EIF2A: variants seen among roughly 807,000 people sequenced by gnomAD.
EIF2A encodes 65 kDa eukaryotic translation initiation factor 2A.
A neutral mutation model predicts 75.2 loss-of-function variants in EIF2A; 62 were observed. The observed-to-expected ratio is 0.82, with a 90% CI of 0.67 to 1.02. The LOEUF (loss-of-function observed/expected upper bound fraction) is 1.02. Ranked by LOEUF, EIF2A falls within the 50% of genes least tolerant of loss-of-function variation. The pLI is 0.00. For missense variants in EIF2A, 611 were observed against 677.7 expected, an observed-to-expected ratio of 0.90 and a Z score of 1.09; for synonymous variants, 207 against 239.0, an observed-to-expected ratio of 0.87 and a Z score of 1.23.
At chr3:150,567,841 T>G in intron 7 of EIF2A, 61 bp from the exon 8 acceptor site, 1 of 1,577,066 alleles carries the variant, frequency 6.3e-7, no homozygotes, top group Non-Finnish European at 8.6e-7. Context: ...TGTAAAAACA[T>G]GTCCATCTCA....
At chr3:150,569,224 C>T (rs1259988090) in intron 9 of EIF2A, among the ~76,000 whole-genome samples, 1 of 151,994 alleles carries the variant, frequency 6.6e-6, no homozygotes, top group African/African-American at 2.4e-5. Context: ...GATGAAGTCA[C>T]ACTATAACAG....
At chr3:150,557,461 T>G in intron 2 of EIF2A, 1 of 180,364 alleles carries the variant, frequency 5.5e-6, no homozygotes, top group Non-Finnish European at 1.2e-5. Context: ...GGCTGGACAG[T>G]GGCGCAGGGG....
intron 3 of EIF2A, among the ~76,000 whole-genome samples, chr3:150,561,899 C>T (rs1213220335): frequency 1.3e-5 from 2 of 151,218 alleles, no homozygotes; most frequent in Non-Finnish European, 2.9e-5. Context: ...GCTGGGATTA[C>T]AGGTGCCCAC....
chr3:150,570,396 A>G (rs1724439620), intron 9 of EIF2A, among the ~76,000 whole-genome samples: 1 of 152,104 alleles, frequency 6.6e-6, no homozygotes, highest in South Asian at 2.1e-4. Flanking sequence ...AAATAGGCAT[A>G]GGATAGTAAA....
intron 11 of EIF2A, among the ~76,000 whole-genome samples, chr3:150,580,067 C>A (rs1376821884): frequency 3.3e-5 from 5 of 151,996 alleles, no homozygotes. Context: ...AAGTATTATG[C>A]TAGAGGCTCA....
intron 9 of EIF2A, among the ~76,000 whole-genome samples, chr3:150,568,772 C>T (rs1724336776): frequency 6.6e-6 from 1 of 152,112 alleles, no homozygotes; most frequent in East Asian, 1.9e-4. Context: ...AAAAAGTTAG[C>T]CAGGCATGGT....
intron 11 of EIF2A, among the ~76,000 whole-genome samples, chr3:150,579,799 A>G (rs1457431064): frequency 6.6e-6 from 1 of 152,004 alleles, no homozygotes; most frequent in Non-Finnish European, 1.5e-5. Context: ...GTGATACCCT[A>G]TTCTATGTTC....
chr3:150,572,402 G>A lies in EIF2A; in HGVS notation c.1256G>A (p.Gly419Glu). The stretch of plus-strand genomic sequence containing the variant: ...GTTTCTTGGCAGCCATTTTTGGATG[G>A]AATATTTCCAGCAAAAACAATAACT... ...WQVSWQPFLD[G>E]IFPAKTITYQ... Residue 419 changes from glycine to glutamate, a missense_variant, in exon 10 of 14, where the codon GGA becomes GAA. Gly to Glu is a moderately conservative substitution (Grantham distance 98). Coordinates refer to ENST00000460851, the MANE Select transcript of EIF2A (RefSeq NM_032025.5). The A allele has an allele frequency of 6.2e-7, 1 of 1,613,962 alleles. No individual in the cohort carries two copies. Among genetic ancestry groups the A allele is most frequent in the Non-Finnish European group, 8.5e-7 (1 of 1,179,886 alleles).
Position 150,583,090 on chromosome 3 carries a change from C to G in EIF2A, c.1627-110C>G, listed in dbSNP as rs1462298080. Reference sequence around the variant, plus strand: ...GCATTTTAACAGACCATTGTTGATACAAATCTAAGATAATTAATCTCCTTA... The same window carrying G: ...GCATTTTAACAGACCATTGTTGATAGAAATCTAAGATAATTAATCTCCTTA... On this transcript the variant is annotated intron_variant, in intron 12 of 13. Coordinates refer to ENST00000460851, the MANE Select transcript of EIF2A (RefSeq NM_032025.5). The G allele has an allele frequency of 1.1e-5, 10 of 909,822 alleles. No individual in the cohort carries two copies. The Admixed American group carries it at 3.2e-4, about 29-fold the overall frequency. 56.4% of individuals were successfully genotyped at this position (909,822 alleles called of 1,614,324 possible).
At chr3:150,559,271 A>T (rs983072977) in intron 3 of EIF2A, among the ~76,000 whole-genome samples, 3 of 152,242 alleles carry the variant, frequency 2.0e-5, no homozygotes, top group African/African-American at 7.2e-5. Context: ...ACTAAAGAGA[A>T]CATGTTGAAT....
chr3:150,581,738 C>G lies in EIF2A; in HGVS notation c.1618C>G (p.Leu540Val). 1 of 1,558,310 alleles carries G rather than the reference C, an allele frequency of 6.4e-7. No homozygotes were observed. The highest frequency in any genetic ancestry group is 8.7e-7 in the Non-Finnish European group (1 of 1,150,480). The change falls in exon 12 of 14, where the codon CTA becomes GTA. Residue 540 changes from leucine (L) to valine (V), a missense_variant. Leu to Val is a conservative substitution (Grantham distance 32, BLOSUM62 1). Transcript: ENST00000460851. ...DPEIDKKIKN[L>V]KKKLKAIEQL... is the part of the protein sequence containing the mutation. ...TGAGATAGACAAAAAAATCAAGAAC[C>G]TAAAGAAGGTGAGAGACTTAAAAAC...
At chr3:150,553,502 A>C (rs1192001878) in intron 2 of EIF2A, among the ~76,000 whole-genome samples, 3 of 151,894 alleles carry the variant, frequency 2.0e-5, no homozygotes, top group Non-Finnish European at 2.9e-5. Context: ...TCTGCCCCCC[A>C]GGTTCAAGCG....
chr3:150,560,945 G>A lies in EIF2A; in HGVS notation c.174-1597G>A, dbSNP rs187891208. On this transcript the variant is annotated intron_variant, in intron 3 of 13. Transcript: ENST00000460851. ...TTAAATGAGAAAATGTACATAAAGT[G>A]GTTAGGTACATAGAAAACATCCCAA... is the stretch of plus-strand genomic sequence containing the variant. Among the ~76,000 whole-genome samples, 53 of 152,002 alleles carry A rather than the reference G, an allele frequency of 3.5e-4. 1 individual carries two copies. The East Asian group carries it at 8.1e-3, about 23-fold the overall frequency.
Position 150,552,407 on chromosome 3 carries a change from A to G in EIF2A, c.80A>G (p.Glu27Gly). The change falls in exon 2 of 14, where the codon GAA becomes GGA. Residue 27 changes from glutamate to glycine, a missense_variant. Coordinates refer to ENST00000460851, the MANE Select transcript of EIF2A (RefSeq NM_032025.5). The stretch of plus-strand genomic sequence containing the variant: ...GTGAATGGACCACCACATTTTACAG[A>G]AAGCACAGTGTTTCCAAGGTATGAT... ...YMVNGPPHFT[E>G]STVFPRESGK... 2 of 1,553,490 alleles carry G rather than the reference A, an allele frequency of 1.3e-6. No individual in the cohort carries two copies. Among genetic ancestry groups the G allele is most frequent in the Non-Finnish European group, 1.7e-6 (2 of 1,147,586 alleles).
At position 150,557,685 on chromosome 3, in the gene EIF2A, C is replaced by T. The variant is rs149814258; in HGVS notation, c.99-703C>T. 2.3e-3 allele frequency: 904 copies of T among 390,668 alleles called. 2 individuals carry two copies. Among genetic ancestry groups the T allele is most frequent in the Non-Finnish European group, 3.3e-3 (649 of 197,036 alleles). The allele number at this position is 390,668 out of a possible 1,614,324, so 24.2% of individuals were successfully genotyped here. On this transcript the variant is annotated intron_variant, in intron 2 of 13. Transcript: ENST00000460851. ...AACTGCTGGGATTACAGGTGTGAGC[C>T]ATTGCACCATGAGAAAGAGATTTTA...
chr3:150,568,204 A>G lies in EIF2A; in HGVS notation c.723A>G (p.Thr241=). Residue 241 remains threonine (T), a synonymous_variant, in exon 9 of 14, where the codon ACA becomes ACG. Coordinates refer to ENST00000460851, the MANE Select transcript of EIF2A (RefSeq NM_032025.5). ...CTGCTGTGTTGGTAATAGCTAGCAC[A>G]GATGTTGACAAGACAGGAGCTTCCT... The part of the protein sequence containing the change: ...KATAVLVIAS[T]DVDKTGASYY... 1 of 1,613,458 alleles carries G rather than the reference A, an allele frequency of 6.2e-7. No homozygotes were observed. The highest frequency in any genetic ancestry group is 8.5e-7 in the Non-Finnish European group (1 of 1,179,710).
At chr3:150,547,897 A>AT (rs576772255) in intron 1 of EIF2A, among the ~76,000 whole-genome samples, 5 of 151,616 alleles carry the variant, frequency 3.3e-5, no homozygotes, top group Non-Finnish European at 5.9e-5. Context: ...TACATAATAA[A>AT]TTTTTTTTTA....
At chr3:150,565,288 A>G (rs117989928) in intron 6 of EIF2A, 2 of 451,350 alleles carry the variant, frequency 4.4e-6, no homozygotes, top group East Asian at 1.4e-4. Flanking sequence ...GAAGCACATA[A>G]TGTCTGGTTG....
chr3:150,574,751 C>T (rs1404031009), intron 10 of EIF2A, among the ~76,000 whole-genome samples: 1 of 152,242 alleles, frequency 6.6e-6, no homozygotes, highest in Non-Finnish European at 1.5e-5. Context: ...GAGCTCTGCT[C>T]ATTTCCATAT....
Sources: allele counts gnomAD v4.1 joint callset (sites outside exome capture counted in the v4.1 genomes callset), GRCh38; gene constraint gnomAD v4.1.1; transcripts MANE v1.5; gene names NCBI Gene and HGNC (gene_info 2026-07-23, HGNC 2026-07-21).